Variants in FHIP1B observed in about 807,000 individuals in gnomAD.
The protein encoded by FHIP1B is FHF complex subunit HOOK-interacting protein 1B.
Under a neutral mutation model 82.2 loss-of-function variants are expected in FHIP1B, and 28 were observed. The observed-to-expected ratio is 0.34, with a 90% CI of 0.25 to 0.47. FHIP1B has a LOEUF of 0.47. Ranked by LOEUF, FHIP1B falls within the 20% of genes least tolerant of loss-of-function variation. The pLI is 1.00. For synonymous variants in FHIP1B, 585 were observed against 516.1 expected, an observed-to-expected ratio of 1.13 and a Z score of -1.81; for missense variants, 1,110 against 1,262.6, an observed-to-expected ratio of 0.88 and a Z score of 1.83.
At chr11:6,233,311 C>G (rs781678343) in intron 1 of FHIP1B, among the ~76,000 whole-genome samples, 9 of 152,302 alleles carry the variant, frequency 5.9e-5, no homozygotes, top group Admixed American at 2.0e-4. Flanking sequence ...GATGTCCCAA[C>G]CCCATGGCTG....
rs1467794365 is a variant in FHIP1B, at chr11:6,211,455, C to G, written c.*51G>C. The G allele has an allele frequency of 1.3e-6, 2 of 1,521,858 alleles. No homozygotes were observed. The highest frequency in any genetic ancestry group is 1.8e-6 in the Non-Finnish European group (2 of 1,139,656). The allele number at this position is 1,521,858 out of a possible 1,614,324, so 94.3% of individuals were successfully genotyped here. A position where few individuals can be genotyped will look rare whatever the true frequency, so the allele number is the denominator to read the frequency against. The stretch of plus-strand genomic sequence containing the variant: ...CTCCAAACATAAAAAGGAGCCTGTG[C>G]CCTAGCCCCAGCCCGGGCCACCCAT... On this transcript the variant is annotated 3_prime_UTR_variant, in exon 12 of 12. Coordinates refer to ENST00000449352, the MANE Select transcript of FHIP1B (RefSeq NM_001098794.2).
intron 6 of FHIP1B, among the ~76,000 whole-genome samples, chr11:6,220,987 CATG>C (rs1359929934): frequency 6.6e-6 from 1 of 152,194 alleles, no homozygotes; most frequent in Non-Finnish European, 1.5e-5. Flanking sequence ...AGGCATCTAT[CATG>C]ATTACTTTTT....
At position 6,222,459 on chromosome 11, in the gene FHIP1B, T is replaced by C. The variant is rs557347285; in HGVS notation, c.1174A>G (p.Ile392Val). The C allele has an allele frequency of 1.2e-6, 2 of 1,613,860 alleles. No homozygotes were observed. The highest frequency in any genetic ancestry group is 2.7e-5 in the African/African-American group (2 of 74,970). Residue 392 changes from isoleucine (I) to valine (V), a missense_variant, in exon 6 of 12, where the codon ATT becomes GTT. By Grantham distance (29) the Ile-to-Val change is conservative. This residue lies in a region of FHIP1B where 467 missense variants were observed against 602.9 expected (regional missense o/e 0.77). Coordinates refer to ENST00000449352, the MANE Select transcript of FHIP1B (RefSeq NM_001098794.2). ...HTILDTLVAR[I>V]GSNSRLCMVS... ...GGCCATACCCGGGAGTTACTGCCAA[T>C]ACGAGCAACGAGGGTGTCGAGGATG...
At chr11:6,231,949 A>G (rs75466757) in intron 1 of FHIP1B, among the ~76,000 whole-genome samples, 4,040 of 152,370 alleles carry the variant, frequency 0.027, 62 homozygotes, top group Middle Eastern at 0.037. Flanking sequence ...AAATGTGAGC[A>G]TCACAAGCAC....
In FHIP1B at chr11:6,218,782, A is replaced by G. The variant is rs1176088677; in HGVS notation, c.1272-19T>C. On this transcript the variant is annotated intron_variant, in intron 7 of 11. Coordinates refer to ENST00000449352, the MANE Select transcript of FHIP1B (RefSeq NM_001098794.2). ...AAGATACCTGAGAAAGACATCAGAAAGGGGACACAGGGTAGATCAGGAAGG... is the reference window on the plus strand; with the variant it reads ...AAGATACCTGAGAAAGACATCAGAAGGGGGACACAGGGTAGATCAGGAAGG... 1 of 1,613,468 alleles carries G rather than the reference A, an allele frequency of 6.2e-7. No individual in the cohort carries two copies. The highest frequency in any genetic ancestry group is 8.5e-7 in the Non-Finnish European group (1 of 1,179,382).
At position 6,223,700 on chromosome 11, in the gene FHIP1B, C is replaced by T; in HGVS notation, c.687G>A (p.Gln229=). 1 of 1,614,174 alleles carries T rather than the reference C, an allele frequency of 6.2e-7. No homozygotes were observed. The highest frequency in any genetic ancestry group is 1.6e-4 in the Middle Eastern group (1 of 6,062). The change falls in exon 3 of 12, where the codon CAG becomes CAA. Residue 229 remains glutamine (Q), a synonymous_variant. Transcript: ENST00000449352. The surrounding 1 kb of genome is among the most constrained non-coding windows in gnomAD (Gnocchi z 4.8). ...TGAGAAGAAGTAGGGCATCACGGGCCTGCTGGCCCAGGGTGCCCTCTCGAT... is the reference window on the plus strand; with the variant it reads ...TGAGAAGAAGTAGGGCATCACGGGCTTGCTGGCCCAGGGTGCCCTCTCGAT... ...FVHREGTLGQ[Q]ARDALLLLMA... is the part of the protein sequence containing the mutation.
chr11:6,218,466 A>G (rs1165729550), intron 8 of FHIP1B, 134 bp downstream of exon 8: 2 of 1,379,276 alleles, frequency 1.5e-6, no homozygotes, highest in Non-Finnish European at 2.0e-6. Context: ...ACCCTCATCA[A>G]CCTCCCCAAA....
chr11:6,221,445 T>C (rs954650093), intron 6 of FHIP1B, among the ~76,000 whole-genome samples: 12 of 152,186 alleles, frequency 7.9e-5, no homozygotes, highest in African/African-American at 2.9e-4. Flanking sequence ...GCTTAAGTCT[T>C]TATAACTTGG....
intron 6 of FHIP1B, among the ~76,000 whole-genome samples, chr11:6,221,319 C>A (rs1847399851): frequency 6.6e-6 from 1 of 151,904 alleles, no homozygotes; most frequent in African/African-American, 2.4e-5. Context: ...CTATTTTAAA[C>A]ACATGGATCC....
intron 11 of FHIP1B, among the ~76,000 whole-genome samples, chr11:6,213,424 T>G (rs1009179010): frequency 1.3e-5 from 2 of 152,214 alleles, no homozygotes; most frequent in Admixed American, 1.3e-4. Context: ...AAAAGCCTTT[T>G]CCTGTCCAAA....
At chr11:6,225,776 G>A (rs1362008380) in intron 1 of FHIP1B, among the ~76,000 whole-genome samples, 1 of 152,072 alleles carries the variant, frequency 6.6e-6, no homozygotes, top group Non-Finnish European at 1.5e-5. Flanking sequence ...TATGGGAGAT[G>A]AGCAAATAAG....
rs116653213 is a variant in FHIP1B, at chr11:6,214,388, G to A, written c.2557+23C>T. 1,178 of 1,584,532 alleles carry A rather than the reference G, an allele frequency of 7.4e-4. 9 individuals are homozygous for A. In the African/African-American group the frequency reaches 0.014, roughly 19 times the overall value. ...TAGGCTATCTAGGGAGGGCAGGTAC[G>A]GGTGTGGTGGGATAGGCCTCACCTA... is the stretch of plus-strand genomic sequence containing the variant. On this transcript the variant is annotated intron_variant, in intron 11 of 11. Coordinates refer to ENST00000449352, the MANE Select transcript of FHIP1B (RefSeq NM_001098794.2).
At chr11:6,222,017 C>T (rs1305583032) in intron 6 of FHIP1B, among the ~76,000 whole-genome samples, 1 of 152,104 alleles carries the variant, frequency 6.6e-6, no homozygotes, top group East Asian at 1.9e-4. Flanking sequence ...AGCAGCAAAT[C>T]CAAAGGAGAA....
intron 11 of FHIP1B, among the ~76,000 whole-genome samples, chr11:6,212,949 G>A (rs11040805): frequency 6.6e-6 from 1 of 151,958 alleles, no homozygotes; most frequent in Non-Finnish European, 1.5e-5. Flanking sequence ...CACTTCTCTA[G>A]GAAGCCTCCT....
chr11:6,230,312 T>C (rs577612321), intron 1 of FHIP1B, among the ~76,000 whole-genome samples: 130 of 152,310 alleles, frequency 8.5e-4, no homozygotes, highest in African/African-American at 2.8e-3. Context: ...TCAGTAAAAT[T>C]CTGTGGTGTC....
intron 9 of FHIP1B, 114 bp downstream of exon 9, chr11:6,217,257 G>A (rs1847256867): frequency 2.2e-6 from 2 of 911,670 alleles, no homozygotes; most frequent in Non-Finnish European, 3.5e-6. Flanking sequence ...GATGGATGAG[G>A]GGCTAGGCAA....
chr11:6,233,922 A>T (rs916684004), intron 1 of FHIP1B, among the ~76,000 whole-genome samples: 6 of 152,198 alleles, frequency 3.9e-5, no homozygotes, highest in African/African-American at 1.4e-4. Context: ...CTGAGCCTCA[A>T]ATATGACTTT....
rs1267045686 is a variant in FHIP1B at position 6,218,229 on chromosome 11, AAAG to A, written c.1436-82_1436-80del. ...AGATAAGACACCTCGGGAGACTAAGAAAGAAGACAATGGGGAGGCAGAAACATG... is the reference window on the plus strand; with the variant it reads ...AGATAAGACACCTCGGGAGACTAAGAAAGACAATGGGGAGGCAGAAACATG... On this transcript the variant is annotated intron_variant, in intron 8 of 11. Transcript: ENST00000449352. 54 of 1,487,568 alleles carry A rather than the reference AAAG, an allele frequency of 3.6e-5. No individual in the cohort carries two copies. The East Asian group carries it at 7.6e-4, about 21-fold the overall frequency. The allele number at this position is 1,487,568 out of a possible 1,614,324, so 92.1% of individuals were successfully genotyped here.
At chr11:6,216,832 A>C in intron 9 of FHIP1B, 2 of 567,616 alleles carry the variant, frequency 3.5e-6, no homozygotes, top group East Asian at 2.9e-5. Context: ...AAAAACTTGA[A>C]ATCAAGTCCT....
Sources: gnomAD v4.1 joint callset for allele counts (sites outside exome capture counted in the v4.1 genomes callset) on GRCh38, gnomAD v4.1.1 for gene constraint, gnomAD v4.1.1 regional missense constraint, Gnocchi (gnomAD v3.1) non-coding constraint, MANE v1.5 for transcripts, NCBI Gene and HGNC (gene_info 2026-07-23, HGNC 2026-07-21) for gene names.